The following RPS6KC1 variants were observed in gnomAD, a reference collection of about 807,000 sequenced individuals.
RPS6KC1 encodes the protein inactive ribosomal protein S6 kinase delta-1.
Under a neutral mutation model 103.8 loss-of-function variants are expected in RPS6KC1, and 54 were observed. The ratio of observed to expected loss-of-function variants is 0.52; its 90% CI spans 0.42 to 0.65. The LOEUF (loss-of-function observed/expected upper bound fraction) is 0.65. Among genes scored for constraint, RPS6KC1 ranks in the 30% least tolerant of loss-of-function variants. RPS6KC1 has a pLI of 0.00. For synonymous variants in RPS6KC1, 439 were observed against 438.7 expected (o/e 1.00, Z -0.01); for missense variants, 1,151 against 1,253.8 (o/e 0.92, Z 1.24).
chr1:213,056,585 A>C (rs773552192), intron 1 of RPS6KC1, among the ~76,000 whole-genome samples: 5 of 152,252 alleles, frequency 3.3e-5, no homozygotes, highest in Non-Finnish European at 7.3e-5. Context: ...GCTTCACTTA[A>C]GTCTGAAAAA....
At chr1:213,311,346 G>A in the RPS6KC1 span, among the ~76,000 whole-genome samples, 5 of 152,242 alleles carry the variant, frequency 3.3e-5, no homozygotes, top group Admixed American at 3.3e-4. Flanking sequence ...CACCGTGTTA[G>A]CCAGGATGGT....
chr1:213,409,712 T>C, the RPS6KC1 span, among the ~76,000 whole-genome samples: 57 of 152,306 alleles, frequency 3.7e-4, no homozygotes, highest in African/African-American at 1.4e-3. Context: ...ATGGCTCCAA[T>C]GTGTTTAGTG....
At chr1:213,748,369 G>A in the RPS6KC1 span, among the ~76,000 whole-genome samples, 1 of 152,178 alleles carries the variant, frequency 6.6e-6, no homozygotes, top group Non-Finnish European at 1.5e-5. Context: ...CTTATGTGGG[G>A]TAAAGTCTGG....
the RPS6KC1 span, among the ~76,000 whole-genome samples, chr1:213,325,233 C>T: frequency 1.3e-5 from 2 of 152,160 alleles, no homozygotes; most frequent in East Asian, 3.9e-4. Flanking sequence ...CATCTACGGA[C>T]CCTCAGCGCA....
At chr1:213,068,464 A>G (rs2078537081) in intron 1 of RPS6KC1, among the ~76,000 whole-genome samples, 1 of 136,978 alleles carries the variant, frequency 7.3e-6, no homozygotes. Flanking sequence ...AGCTTGGGTG[A>G]CAGAGCAAGA....
At chr1:213,789,892 A>G in the RPS6KC1 span, among the ~76,000 whole-genome samples, 145 of 152,288 alleles carry the variant, frequency 9.5e-4, no homozygotes, top group African/African-American at 3.2e-3. Flanking sequence ...ACTTGTGACT[A>G]TTAAATAAGT....
At chr1:213,541,438 A>G in the RPS6KC1 span, among the ~76,000 whole-genome samples, 1 of 152,110 alleles carries the variant, frequency 6.6e-6, no homozygotes, top group Non-Finnish European at 1.5e-5. Context: ...CACTTGCCCA[A>G]TGCAGGGTTG....
chr1:213,253,904 A>T (rs761326641), intron 12 of RPS6KC1, among the ~76,000 whole-genome samples: 1 of 152,136 alleles, frequency 6.6e-6, no homozygotes, highest in Non-Finnish European at 1.5e-5. Flanking sequence ...TAGGGTAAAC[A>T]TTATTATTTT....
the RPS6KC1 span, among the ~76,000 whole-genome samples, chr1:213,688,598 C>T: frequency 6.6e-6 from 1 of 152,230 alleles, no homozygotes; most frequent in African/African-American, 2.4e-5. Flanking sequence ...AGTTGCCTCA[C>T]TGTGATAATG....
intron 5 of RPS6KC1, among the ~76,000 whole-genome samples, chr1:213,128,119 A>C (rs1043251574): frequency 6.6e-6 from 1 of 152,224 alleles, no homozygotes; most frequent in Non-Finnish European, 1.5e-5. Flanking sequence ...TACATTATCT[A>C]TGTGACATTT....
the RPS6KC1 span, among the ~76,000 whole-genome samples, chr1:213,591,519 G>GT: frequency 3.9e-5 from 6 of 152,286 alleles, no homozygotes; most frequent in East Asian, 5.8e-4. Context: ...GTGGAGGGTT[G>GT]TAACAATGGC....
At chr1:213,743,064 A>AT in the RPS6KC1 span, among the ~76,000 whole-genome samples, 1 of 152,242 alleles carries the variant, frequency 6.6e-6, no homozygotes. Context: ...ATAGATCATT[A>AT]TACCAGAAAG....
chr1:213,078,585 A>G (rs978894268), intron 3 of RPS6KC1, among the ~76,000 whole-genome samples: 1 of 152,112 alleles, frequency 6.6e-6, no homozygotes, highest in African/African-American at 2.4e-5. Flanking sequence ...TATTTTTAGT[A>G]GAGATGAGGT....
the RPS6KC1 span, among the ~76,000 whole-genome samples, chr1:213,619,079 G>GTAT: frequency 1.3e-5 from 2 of 152,164 alleles, no homozygotes; most frequent in Non-Finnish European, 2.9e-5. Flanking sequence ...ATAAAGAGAT[G>GTAT]TATTATCTTC....
chr1:213,269,073 A>T (rs1362207778), intron 14 of RPS6KC1, among the ~76,000 whole-genome samples: 1 of 152,180 alleles, frequency 6.6e-6, no homozygotes, highest in African/African-American at 2.4e-5. Context: ...TGTGCGTGAG[A>T]GACACACCTT....
intron 6 of RPS6KC1, among the ~76,000 whole-genome samples, chr1:213,133,620 C>T (rs73086366): frequency 0.036 from 5,536 of 152,186 alleles, 283 homozygotes; most frequent in African/African-American, 0.12. Flanking sequence ...TGGGCTACAT[C>T]ATGAATTACA....
chr1:213,217,977 C>T, intron 8 of RPS6KC1, among the ~76,000 whole-genome samples: 1 of 152,206 alleles, frequency 6.6e-6, no homozygotes, highest in East Asian at 1.9e-4. Context: ...CAGGGATACC[C>T]TCTCTCACCA....
At chr1:213,127,729 T>C (rs1440834966) in intron 5 of RPS6KC1, among the ~76,000 whole-genome samples, 1 of 152,230 alleles carries the variant, frequency 6.6e-6, no homozygotes, top group Non-Finnish European at 1.5e-5. Context: ...ATAACCTCTG[T>C]CTGCCACTTT....
chr1:213,297,226 C>T, the RPS6KC1 span, among the ~76,000 whole-genome samples: 1 of 152,208 alleles, frequency 6.6e-6, no homozygotes, highest in Non-Finnish European at 1.5e-5. Context: ...ACTGAGAACT[C>T]ACACAGACTG....
Sources: gnomAD v4.1 joint callset for allele counts (sites outside exome capture counted in the v4.1 genomes callset) on GRCh38, gnomAD v4.1.1 for gene constraint, MANE v1.5 for transcripts, NCBI Gene and HGNC (gene_info 2026-07-23, HGNC 2026-07-21) for gene names.